Variants in SLC14A2 observed in about 807,000 individuals in gnomAD.
SLC14A2 encodes solute carrier family 14 member 2.
In SLC14A2, 91 loss-of-function variants were observed where a neutral mutation model predicts 104.6. The ratio of observed to expected loss-of-function variants is 0.87; its 90% CI spans 0.73 to 1.04. SLC14A2 has a LOEUF of 1.04. SLC14A2 is among the 50% of genes least tolerant of loss of function. The probability of loss-of-function intolerance (pLI) is 0.00; values close to 1 mark genes in which losing one functional copy is unlikely to be tolerated. For synonymous variants in SLC14A2, 476 were observed against 466.4 expected, an observed-to-expected ratio of 1.02 and a Z score of -0.27; for missense variants, 1,189 against 1,156.0, an observed-to-expected ratio of 1.03 and a Z score of -0.41.
chr18:45,595,330 A>AGCAGTTT (rs1481960352), intron 2 of SLC14A2, among the ~76,000 whole-genome samples: 3 of 152,164 alleles, frequency 2.0e-5, no homozygotes, highest in Non-Finnish European at 4.4e-5. Context: ...TCCTGTGCTA[A>AGCAGTTT]GCAGTTTATA....
chr18:45,256,777 C>T (rs1027309731), intron 1 of SLC14A2, among the ~76,000 whole-genome samples: 4 of 152,124 alleles, frequency 2.6e-5, no homozygotes, highest in Non-Finnish European at 4.4e-5. Flanking sequence ...AACTATTTTT[C>T]TTGACTGTGT....
At chr18:45,268,186 G>T (rs978854335) in intron 1 of SLC14A2, among the ~76,000 whole-genome samples, 5 of 152,062 alleles carry the variant, frequency 3.3e-5, no homozygotes, top group African/African-American at 1.2e-4. Context: ...CTAGAACAAA[G>T]TTGAAGCAAA....
intron 15 of SLC14A2, among the ~76,000 whole-genome samples, chr18:45,668,979 C>CA (rs35315987): frequency 6.6e-6 from 1 of 152,030 alleles, no homozygotes; most frequent in Non-Finnish European, 1.5e-5. Context: ...CACAGCCACT[C>CA]AAAAAAACAT....
At chr18:45,654,142 G>GGT (rs1047952395) in intron 10 of SLC14A2, among the ~76,000 whole-genome samples, 1 of 151,186 alleles carries the variant, frequency 6.6e-6, no homozygotes, top group Non-Finnish European at 1.5e-5. Context: ...AATGCTGGGG[G>GGT]GGACGTGGGT....
At chr18:45,191,225 T>A in the SLC14A2 span, among the ~76,000 whole-genome samples, 1 of 152,188 alleles carries the variant, frequency 6.6e-6, no homozygotes, top group Non-Finnish European at 1.5e-5. Context: ...GAGGTCATGT[T>A]CATCCCAATT....
chr18:45,554,175 T>C (rs896607993), intron 2 of SLC14A2, among the ~76,000 whole-genome samples: 6 of 152,214 alleles, frequency 3.9e-5, no homozygotes, highest in African/African-American at 1.4e-4. Context: ...ACATCCCCAC[T>C]GGCTTCCACG....
At chr18:45,186,020 T>C in the SLC14A2 span, among the ~76,000 whole-genome samples, 1 of 152,206 alleles carries the variant, frequency 6.6e-6, no homozygotes, top group Non-Finnish European at 1.5e-5. Context: ...TGTAGGTAGA[T>C]TCAGTATTGT....
At chr18:45,237,141 A>G (rs1184156504) in intron 1 of SLC14A2, among the ~76,000 whole-genome samples, 3 of 152,130 alleles carry the variant, frequency 2.0e-5, no homozygotes, top group African/African-American at 7.2e-5. Flanking sequence ...GGCTGTTTTC[A>G]TTTGGTGGCA....
intron 1 of SLC14A2, among the ~76,000 whole-genome samples, chr18:45,324,109 T>TA (rs1426056985): frequency 2.0e-5 from 3 of 152,176 alleles, no homozygotes; most frequent in East Asian, 3.9e-4. Context: ...TTCTCAAAGA[T>TA]AGGTATTGAA....
rs146082430 is a variant in SLC14A2, at chr18:45,520,266, A to G, written c.-35+36944A>G. ...AGAGCCCATCATCAAATAGATATTG[A>G]GTCCCTAACAGGTATAAAGCCTCAA... On this transcript the variant is annotated intron_variant, in intron 2 of 20. Transcript: ENST00000586448. Among the ~76,000 whole-genome samples the G allele has an allele frequency of 5.3e-5, 8 of 152,332 alleles. No individual in the cohort carries two copies. In the East Asian group the frequency reaches 9.6e-4, roughly 18 times the overall value.
At chr18:45,382,310 A>T (rs72642429) in intron 1 of SLC14A2, among the ~76,000 whole-genome samples, 5 of 151,422 alleles carry the variant, frequency 3.3e-5, no homozygotes, top group Non-Finnish European at 7.4e-5. Flanking sequence ...ACTTAATATA[A>T]GCTCTAGTTT....
chr18:45,246,292 C>G (rs1285991244), intron 1 of SLC14A2, among the ~76,000 whole-genome samples: 1 of 152,164 alleles, frequency 6.6e-6, no homozygotes, highest in Non-Finnish European at 1.5e-5. Flanking sequence ...GGACTTCCAG[C>G]CTTCAGAACT....
At chr18:45,530,183 C>T (rs909869399) in intron 2 of SLC14A2, among the ~76,000 whole-genome samples, 2 of 152,196 alleles carry the variant, frequency 1.3e-5, no homozygotes, top group African/African-American at 4.8e-5. Context: ...AAGCATTGTG[C>T]TAGGTACTTG....
intron 1 of SLC14A2, among the ~76,000 whole-genome samples, chr18:45,235,961 ATATATACATATATGTGTGTATATATGTG>A (rs2084230144): frequency 2.1e-5 from 2 of 94,834 alleles, no homozygotes; most frequent in African/African-American, 1.0e-4. Context: ...GTATATATGT[ATATATACATATATGTGTGTATATATGTG>A]TATATATACA....
intron 1 of SLC14A2, among the ~76,000 whole-genome samples, chr18:45,346,115 T>C (rs2085445281): frequency 6.6e-6 from 1 of 152,248 alleles, no homozygotes; most frequent in Non-Finnish European, 1.5e-5. Flanking sequence ...TTCTCTTCTA[T>C]GAATTGACTA....
At chr18:45,320,583 G>A (rs2085175162) in intron 1 of SLC14A2, among the ~76,000 whole-genome samples, 2 of 152,162 alleles carry the variant, frequency 1.3e-5, no homozygotes, top group South Asian at 4.1e-4. Flanking sequence ...CTTGCCTTGT[G>A]ATCCTGGTGC....
chr18:45,360,145 A>G (rs2085596068), intron 1 of SLC14A2, among the ~76,000 whole-genome samples: 1 of 152,120 alleles, frequency 6.6e-6, no homozygotes, highest in Non-Finnish European at 1.5e-5. Context: ...TTATTTCTCC[A>G]GATTCACTGT....
chr18:45,282,328 G>C (rs772243670), intron 1 of SLC14A2, among the ~76,000 whole-genome samples: 7 of 152,100 alleles, frequency 4.6e-5, no homozygotes, highest in African/African-American at 1.7e-4. Context: ...GAGCTATTTG[G>C]ACCCCAACTT....
At chr18:45,400,437 T>C (rs78126038) in intron 1 of SLC14A2, among the ~76,000 whole-genome samples, 2 of 152,190 alleles carry the variant, frequency 1.3e-5, no homozygotes, top group South Asian at 2.1e-4. Context: ...GTTCTTCTCA[T>C]TGGTATTCTC....
Sources: allele counts gnomAD v4.1 joint callset (sites outside exome capture counted in the v4.1 genomes callset), GRCh38; gene constraint gnomAD v4.1.1; transcripts MANE v1.5; gene names NCBI Gene and HGNC (gene_info 2026-07-23, HGNC 2026-07-21).